The following PGCKA1 variants were observed in gnomAD, a reference collection of about 807,000 sequenced individuals.
The protein encoded by PGCKA1 is PDCD10 and GCKIII kinases-associated protein 1.
the PGCKA1 span, among the ~76,000 whole-genome samples, chr4:37,579,843 T>C: frequency 1.3e-5 from 2 of 152,194 alleles, no homozygotes; most frequent in Non-Finnish European, 2.9e-5. Flanking sequence ...TTCTCTGTTA[T>C]TATCTCTTTG....
the PGCKA1 span, among the ~76,000 whole-genome samples, chr4:37,583,232 C>G: frequency 6.6e-6 from 1 of 152,176 alleles, no homozygotes; most frequent in Non-Finnish European, 1.5e-5. Context: ...AAGGCAGCTT[C>G]CAGATGGGTT....
At chr4:37,543,028 T>G in the PGCKA1 span, among the ~76,000 whole-genome samples, 3 of 152,194 alleles carry the variant, frequency 2.0e-5, no homozygotes, top group Non-Finnish European at 4.4e-5. Context: ...TAATTCACTC[T>G]TTCTCATGAC....
chr4:37,576,788 G>T, the PGCKA1 span, among the ~76,000 whole-genome samples: 1 of 152,002 alleles, frequency 6.6e-6, no homozygotes, highest in South Asian at 2.1e-4. Context: ...TTTTATGAAG[G>T]GATGTTGAAC....
At chr4:37,552,631 C>A in the PGCKA1 span, among the ~76,000 whole-genome samples, 1 of 152,202 alleles carries the variant, frequency 6.6e-6, no homozygotes, top group Non-Finnish European at 1.5e-5. Context: ...AAAATCACTT[C>A]CAAATTTGCT....
the PGCKA1 span, among the ~76,000 whole-genome samples, chr4:37,472,405 G>A: frequency 6.6e-6 from 1 of 152,130 alleles, no homozygotes; most frequent in Non-Finnish European, 1.5e-5. Context: ...GTGGGGGTAA[G>A]GGGTGTTGAA....
the PGCKA1 span, among the ~76,000 whole-genome samples, chr4:37,579,175 C>A: frequency 1.3e-5 from 2 of 152,062 alleles, no homozygotes; most frequent in African/African-American, 4.8e-5. Context: ...CTAACTTCAT[C>A]CCCTCACTTT....
the PGCKA1 span, among the ~76,000 whole-genome samples, chr4:37,576,963 G>A: frequency 6.6e-6 from 1 of 152,200 alleles, no homozygotes; most frequent in Non-Finnish European, 1.5e-5. Context: ...TCTTTTTAAT[G>A]TGTTGTTGAA....
At chr4:37,464,352 A>G in the PGCKA1 span, among the ~76,000 whole-genome samples, 1 of 152,174 alleles carries the variant, frequency 6.6e-6, no homozygotes, top group Non-Finnish European at 1.5e-5. Flanking sequence ...AATACTTAAA[A>G]TTCCTGGATT....
At chr4:37,496,795 A>G in the PGCKA1 span, among the ~76,000 whole-genome samples, 1 of 151,788 alleles carries the variant, frequency 6.6e-6, no homozygotes, top group African/African-American at 2.4e-5. Context: ...TATAGTTTTC[A>G]TTGTAGAGAT....
the PGCKA1 span, among the ~76,000 whole-genome samples, chr4:37,513,089 C>CA: frequency 1.6e-3 from 112 of 71,774 alleles, 2 homozygotes; most frequent in African/African-American, 5.1e-3. Context: ...AATGCCATCT[C>CA]AAAAAAAAAA....
the PGCKA1 span, among the ~76,000 whole-genome samples, chr4:37,567,174 A>C: frequency 6.6e-6 from 1 of 152,210 alleles, no homozygotes; most frequent in South Asian, 2.1e-4. Context: ...TCCTACTTTC[A>C]ACTTTTACAA....
chr4:37,535,466 G>A, the PGCKA1 span, among the ~76,000 whole-genome samples: 13 of 152,216 alleles, frequency 8.5e-5, no homozygotes, highest in East Asian at 1.9e-4. Context: ...AGATGGAGTG[G>A]GGGGCCACAG....
At chr4:37,505,286 T>A in the PGCKA1 span, among the ~76,000 whole-genome samples, 1 of 152,246 alleles carries the variant, frequency 6.6e-6, no homozygotes, top group Non-Finnish European at 1.5e-5. Flanking sequence ...TGAAGAATGA[T>A]CTTTTTAATG....
chr4:37,453,256 T>C, the PGCKA1 span, among the ~76,000 whole-genome samples: 1 of 152,098 alleles, frequency 6.6e-6, no homozygotes, highest in Non-Finnish European at 1.5e-5. Flanking sequence ...ACTCAGTAGA[T>C]TGGATGCAGT....
At chr4:37,506,582 C>CA in the PGCKA1 span, among the ~76,000 whole-genome samples, 3 of 148,320 alleles carry the variant, frequency 2.0e-5, no homozygotes, top group South Asian at 6.3e-4. Flanking sequence ...GTATAGTTTC[C>CA]AAAATTACTT....
the PGCKA1 span, among the ~76,000 whole-genome samples, chr4:37,512,661 G>A: frequency 6.6e-6 from 1 of 151,778 alleles, no homozygotes; most frequent in Non-Finnish European, 1.5e-5. Context: ...TCTCCATGTT[G>A]GCCAGGATGG....
the PGCKA1 span, among the ~76,000 whole-genome samples, chr4:37,538,073 A>ACACACACACG: frequency 3.4e-4 from 52 of 151,784 alleles, no homozygotes; most frequent in African/African-American, 1.3e-3. Context: ...CCTGTCACAC[A>ACACACACACG]CACACACACA....
the PGCKA1 span, among the ~76,000 whole-genome samples, chr4:37,550,373 AAATT>A: frequency 2.0e-5 from 3 of 152,002 alleles, no homozygotes; most frequent in Non-Finnish European, 2.9e-5. Flanking sequence ...GTAAAAAAAA[AAATT>A]AAGTATATCT....
At chr4:37,508,683 C>CTGTTTTTTTTTTTTTTTTTTTTTT in the PGCKA1 span, among the ~76,000 whole-genome samples, 1 of 84,854 alleles carries the variant, frequency 1.2e-5, no homozygotes, top group South Asian at 5.3e-4. Context: ...TTTGCTGAAT[C>CTGTTTTTTTTTTTTTTTTTTTTTT]TTTTTTTTAG....
Sources: gnomAD v4.1 joint callset for allele counts (sites outside exome capture counted in the v4.1 genomes callset) on GRCh38, gnomAD v4.1.1 for gene constraint, MANE v1.5 for transcripts, NCBI Gene and HGNC (gene_info 2026-07-23, HGNC 2026-07-21) for gene names.